Variants in C16orf74 observed in about 807,000 individuals in gnomAD.
C16orf74 encodes uncharacterized protein C16orf74.
In C16orf74, 10 loss-of-function variants were observed where a neutral mutation model predicts 6.5. The observed-to-expected ratio is 1.54, with a 90% CI of 0.95 to 2.61. The LOEUF is 2.61. Among genes scored for constraint, C16orf74 ranks in the 30% most tolerant of loss-of-function variants. The pLI, the probability that C16orf74 is intolerant of heterozygous loss-of-function variation, is 0.00. For synonymous variants in C16orf74, 60 were observed against 42.5 expected (o/e 1.41, Z -1.60); for missense variants, 141 against 105.9 (o/e 1.33, Z -1.45).
chr16:85,717,851 G>A (rs373524154), intron 2 of C16orf74, among the ~76,000 whole-genome samples: 5 of 152,178 alleles, frequency 3.3e-5, no homozygotes, highest in African/African-American at 1.2e-4. Flanking sequence ...CCTCACCATT[G>A]CTGGGATCCG....
At chr16:85,715,873 T>A (rs2152058672) in intron 2 of C16orf74, among the ~76,000 whole-genome samples, 1 of 152,228 alleles carries the variant, frequency 6.6e-6, no homozygotes, top group East Asian at 1.9e-4. Context: ...GCAGGGCAGC[T>A]CCCTCTTGAA....
chr16:85,719,843 G>A (rs544584513), intron 2 of C16orf74, among the ~76,000 whole-genome samples: 3 of 143,808 alleles, frequency 2.1e-5, no homozygotes, highest in African/African-American at 8.6e-5. Context: ...AGGGGCCACA[G>A]GCCACAGCAC....
At chr16:85,744,765 G>C (rs2054352299) in intron 1 of C16orf74, among the ~76,000 whole-genome samples, 1 of 143,098 alleles carries the variant, frequency 7.0e-6, no homozygotes, top group African/African-American at 2.6e-5. Context: ...ACGAGGCAGA[G>C]CTTGCAGTGA....
chr16:85,729,601 C>A (rs552830591), intron 2 of C16orf74, among the ~76,000 whole-genome samples: 10 of 152,152 alleles, frequency 6.6e-5, no homozygotes, highest in African/African-American at 2.4e-4. Context: ...CAGAATATGA[C>A]CTTATTTGGA....
At chr16:85,736,086 G>C (rs891777446) in intron 1 of C16orf74, among the ~76,000 whole-genome samples, 2 of 152,172 alleles carry the variant, frequency 1.3e-5, no homozygotes, top group African/African-American at 2.4e-5. Context: ...AGTGTGCAGA[G>C]ATCCAGAGGA....
Position 85,707,733 on chromosome 16 carries a change from C to A in C16orf74, c.*275G>T. On this transcript the variant is annotated 3_prime_UTR_variant, in exon 4 of 4. Coordinates refer to ENST00000284245, the MANE Select transcript of C16orf74 (RefSeq NM_206967.3). ...AGCCTCTCCCTGGGACCCCAACAGC[C>A]AGGACCATGGCGCTCCCTTTCACCA... is the stretch of plus-strand genomic sequence containing the variant. The A allele has an allele frequency of 4.2e-6, 2 of 477,976 alleles. No individual in the cohort carries two copies. The highest frequency in any genetic ancestry group is 7.5e-6 in the Non-Finnish European group (2 of 267,422). 29.6% of individuals were successfully genotyped at this position (477,976 alleles called of 1,614,324 possible). A position where few individuals can be genotyped will look rare whatever the true frequency, so the allele number is the denominator to read the frequency against.
chr16:85,716,714 G>C (rs1041782362), intron 2 of C16orf74, among the ~76,000 whole-genome samples: 3 of 151,116 alleles, frequency 2.0e-5, no homozygotes, highest in Non-Finnish European at 3.0e-5. Flanking sequence ...GGGAGGGAGA[G>C]GGGAGGGCAG....
At chr16:85,709,613 G>C (rs778706553) in intron 3 of C16orf74, among the ~76,000 whole-genome samples, 6 of 152,122 alleles carry the variant, frequency 3.9e-5, no homozygotes, top group Non-Finnish European at 7.3e-5. Context: ...TGTCCCACCA[G>C]CTCCAGAGGT....
At chr16:85,748,926 T>TTTC (rs1491266883) in intron 1 of C16orf74, among the ~76,000 whole-genome samples, 1 of 10,414 alleles carries the variant, frequency 9.6e-5, no homozygotes, top group African/African-American at 1.2e-4. Flanking sequence ...GAGGCTTTGA[T>TTTC]TTTTTTTTTT....
intron 2 of C16orf74, among the ~76,000 whole-genome samples, chr16:85,711,522 C>G (rs551552003): frequency 6.7e-6 from 1 of 149,566 alleles, no homozygotes; most frequent in East Asian, 2.0e-4. Flanking sequence ...ACTCGGGAGG[C>G]TGAGGCAGGA....
At chr16:85,721,152 T>C (rs2054078865) in intron 2 of C16orf74, among the ~76,000 whole-genome samples, 5 of 151,594 alleles carry the variant, frequency 3.3e-5, no homozygotes, top group Admixed American at 3.3e-4. Context: ...CCCAGCAGTG[T>C]CCCCTCCTCC....
chr16:85,708,348 G>A (rs947541785), intron 3 of C16orf74, among the ~76,000 whole-genome samples: 13 of 152,176 alleles, frequency 8.5e-5, no homozygotes, highest in African/African-American at 2.7e-4. Flanking sequence ...CACTGGTCCT[G>A]GGAGCAGGGA....
At chr16:85,733,459 C>A (rs928506617) in intron 2 of C16orf74, among the ~76,000 whole-genome samples, 1 of 152,184 alleles carries the variant, frequency 6.6e-6, no homozygotes, top group African/African-American at 2.4e-5. Context: ...AACCTTCATT[C>A]TGAAGACGGG....
rs761208306 is a variant in C16orf74 at position 85,739,981 on chromosome 16, G to C, written c.-18-4746C>G. On this transcript the variant is annotated intron_variant, in intron 1 of 3. Coordinates refer to ENST00000284245, the MANE Select transcript of C16orf74 (RefSeq NM_206967.3). ...TCCCAGCACTTAGGGAGGCCGAGGC[G>C]GGTGGATCGCCTGAGGTCAGGAGTT... Among the ~76,000 whole-genome samples, 6 of 151,788 alleles carry C rather than the reference G, an allele frequency of 4.0e-5. 1 individual carries two copies. The South Asian group carries it at 1.3e-3, about 32-fold the overall frequency.
At chr16:85,717,384 A>T (rs560919916) in intron 2 of C16orf74, among the ~76,000 whole-genome samples, 1 of 152,324 alleles carries the variant, frequency 6.6e-6, no homozygotes, top group African/African-American at 2.4e-5. Context: ...AAAAACTCCC[A>T]GGTGACTTTA....
At chr16:85,735,683 G>GC (rs1334036708) in intron 1 of C16orf74, among the ~76,000 whole-genome samples, 1 of 135,578 alleles carries the variant, frequency 7.4e-6, no homozygotes, top group Non-Finnish European at 1.7e-5. Context: ...CCGTTCTAAT[G>GC]CTTTTTTTTT....
chr16:85,751,011 TCGGGCTCGGGGGGCCGCGGCGACGAG>T lies in C16orf74; in HGVS notation c.-130_-105del, dbSNP rs2054432448. 2 of 148,750 alleles carry T rather than the reference TCGGGCTCGGGGGGCCGCGGCGACGAG, an allele frequency of 1.3e-5. No homozygotes were observed. The highest frequency in any genetic ancestry group is 3.0e-5 in the Non-Finnish European group (2 of 67,060). 9.2% of individuals were successfully genotyped at this position (148,750 alleles called of 1,614,324 possible). On this transcript the variant is annotated 5_prime_UTR_variant, in exon 1 of 4. An upstream open reading frame in the 5' UTR loses its in-frame stop. Transcript: ENST00000284245. ...GCGCTGGTGGTGGTGGCGGCGGCGG[TCGGGCTCGGGGGGCCGCGGCGACGAG>T]CCTGCAAGACAGAGCAGCGGGGGTC...
Position 85,729,087 on chromosome 16 carries a change from A to G in C16orf74, c.28+6103T>C, listed in dbSNP as rs544617087. On this transcript the variant is annotated intron_variant, in intron 2 of 3. Transcript: ENST00000284245. ...TCCTTGGCTGTGCCGCCCTGCTGGA[A>G]CCTGGAGAGGGCGCACTTAGGAACC... Among the ~76,000 whole-genome samples, 20 of 152,244 alleles carry G rather than the reference A, an allele frequency of 1.3e-4. No individual in the cohort carries two copies. The South Asian group carries it at 4.2e-3, about 32-fold the overall frequency.
intron 2 of C16orf74, among the ~76,000 whole-genome samples, chr16:85,712,157 C>G (rs547182557): frequency 1.1e-4 from 16 of 152,338 alleles, no homozygotes; most frequent in African/African-American, 2.9e-4. Flanking sequence ...AGCCAACAGC[C>G]ACAAGGGAGC....
Sources: gnomAD v4.1 joint callset for allele counts (sites outside exome capture counted in the v4.1 genomes callset) on GRCh38, gnomAD v4.1.1 for gene constraint, MANE v1.5 for transcripts, NCBI Gene and HGNC (gene_info 2026-07-23, HGNC 2026-07-21) for gene names.